Variants in SLIT1 observed in about 807,000 individuals in gnomAD.
SLIT1 encodes slit homolog 1 protein.
A neutral mutation model predicts 186.1 loss-of-function variants in SLIT1; 66 were observed. That is an observed-to-expected ratio of 0.35 (90% CI 0.29 to 0.44). The LOEUF is 0.44. SLIT1 is among the 20% of genes least tolerant of loss of function. SLIT1 has a pLI of 1.00. For synonymous variants in SLIT1, 761 were observed against 833.8 expected, an observed-to-expected ratio of 0.91 and a Z score of 1.50; for missense variants, 1,638 against 2,037.4, an observed-to-expected ratio of 0.80 and a Z score of 3.77.
Position 97,034,506 on chromosome 10 carries a change from A to G in SLIT1, c.2403T>C (p.Asn801=), listed in dbSNP as rs79922298. The G allele has an allele frequency of 3.0e-3, 4,770 of 1,613,348 alleles. 4 individuals are homozygous for G. The highest frequency in any genetic ancestry group is 3.6e-3 in the Non-Finnish European group (4,282 of 1,179,500). ...LSNNKISSLS[N]SSFTNMSQLT... ...GCTGGCTCATGTTGGTGAAGGAGGA[A>G]TTGCTTAAGGAACTGATCTTGTTGT... The change falls in exon 23 of 37, where the codon AAT becomes AAC. Residue 801 remains asparagine, a synonymous_variant. Coordinates refer to ENST00000266058, the MANE Select transcript of SLIT1 (RefSeq NM_003061.3).
intron 4 of SLIT1, among the ~76,000 whole-genome samples, chr10:97,085,713 A>G (rs1296316385): frequency 6.6e-6 from 1 of 152,220 alleles, no homozygotes; most frequent in Non-Finnish European, 1.5e-5. Context: ...TAATCAATCA[A>G]TTATTTATGA....
intron 26 of SLIT1, among the ~76,000 whole-genome samples, chr10:97,020,933 C>T (rs183363553): frequency 1.1e-4 from 16 of 152,362 alleles, no homozygotes; most frequent in Non-Finnish European, 2.2e-4. Context: ...AACACAATTC[C>T]TACCAAAGGG....
In SLIT1 at chr10:97,002,168, C is replaced by T. The variant is rs1022391987; in HGVS notation, c.4356G>A (p.Leu1452=). The T allele has an allele frequency of 2.7e-6, 4 of 1,477,090 alleles. No individual in the cohort carries two copies. Among genetic ancestry groups the T allele is most frequent in the Non-Finnish European group, 3.6e-6 (4 of 1,107,262 alleles). 91.5% of individuals were successfully genotyped at this position (1,477,090 alleles called of 1,614,324 possible). The stretch of plus-strand genomic sequence containing the variant: ...AGGGGGGCCCCTGACCTTGCTCACA[C>T]AGCTCGCCCGAAAAGCCGGGGTCAC... The part of the protein sequence containing the change: ...CVCDPGFSGE[L]CEQESECRGD... Residue 1452 remains leucine, a synonymous_variant, in exon 36 of 37, where the codon CTG becomes CTA. Transcript: ENST00000266058.
intron 4 of SLIT1, among the ~76,000 whole-genome samples, chr10:97,150,851 A>G (rs942217438): frequency 2.0e-5 from 3 of 152,116 alleles, no homozygotes; most frequent in African/African-American, 7.2e-5. Flanking sequence ...GTAAGAAGCA[A>G]TCAGGTTTCC....
At chr10:97,095,818 C>G (rs1849282611) in intron 4 of SLIT1, among the ~76,000 whole-genome samples, 1 of 152,166 alleles carries the variant, frequency 6.6e-6, no homozygotes. Flanking sequence ...AATTCCACGT[C>G]CCCATCTGAA....
intron 18 of SLIT1, among the ~76,000 whole-genome samples, chr10:97,044,052 T>C (rs977439534): frequency 1.3e-5 from 2 of 152,204 alleles, no homozygotes; most frequent in African/African-American, 4.8e-5. Flanking sequence ...TGTGACAGTT[T>C]TCTAGAATAC....
At chr10:97,171,070 A>G (rs1192546691) in intron 1 of SLIT1, among the ~76,000 whole-genome samples, 1 of 152,160 alleles carries the variant, frequency 6.6e-6, no homozygotes, top group Non-Finnish European at 1.5e-5. Context: ...TAAAAAAAGA[A>G]AAAAGAAACC....
At position 97,043,464 on chromosome 10, in the gene SLIT1, C is replaced by T; in HGVS notation, c.1903G>A (p.Gly635Ser). The T allele has an allele frequency of 1.9e-6, 3 of 1,613,954 alleles. No homozygotes were observed. The highest frequency in any genetic ancestry group is 2.5e-6 in the Non-Finnish European group (3 of 1,180,008). ...GAGAGGAGCCGGACGTTGCGCAGGC[C>T]CGTGAAGCTGTCGTTGTGGATGCAG... ...ISCIHNDSFTGLRNVRLLSLY... is the reference protein window; with the variant it reads ...ISCIHNDSFTSLRNVRLLSLY... The change falls in exon 19 of 37, where the codon GGC becomes AGC. Residue 635 changes from glycine to serine, a missense_variant. Physicochemically the swap from Gly to Ser is moderately conservative, Grantham distance 56 (BLOSUM62 0). Transcript: ENST00000266058. This position sits in a 1 kb window ranked among gnomAD's most constrained non-coding sequence, Gnocchi z 7.0.
chr10:97,012,692 T>C (rs979441559), intron 30 of SLIT1, among the ~76,000 whole-genome samples: 19 of 152,234 alleles, frequency 1.2e-4, no homozygotes, highest in African/African-American at 3.4e-4. Flanking sequence ...GTCTACCATT[T>C]GGATGGAGGC....
chr10:97,131,754 G>A (rs1031782115), intron 4 of SLIT1, among the ~76,000 whole-genome samples: 6 of 152,216 alleles, frequency 3.9e-5, no homozygotes, highest in Non-Finnish European at 5.9e-5. Flanking sequence ...CGGTAGTCAT[G>A]ATAATAACAG....
intron 14 of SLIT1, among the ~76,000 whole-genome samples, chr10:97,048,252 G>A (rs761291820): frequency 1.3e-5 from 2 of 152,340 alleles, no homozygotes; most frequent in East Asian, 3.9e-4. Flanking sequence ...GCAATGGCAC[G>A]AGGTGGGGAC....
intron 20 of SLIT1, among the ~76,000 whole-genome samples, chr10:97,040,741 C>T (rs1267088057): frequency 1.3e-5 from 2 of 152,156 alleles, no homozygotes; most frequent in Non-Finnish European, 2.9e-5. Flanking sequence ...CCGCAAAATC[C>T]GAGCCCTCGA....
chr10:97,094,362 C>T (rs973303874), intron 4 of SLIT1, among the ~76,000 whole-genome samples: 2 of 152,194 alleles, frequency 1.3e-5, no homozygotes, highest in Non-Finnish European at 2.9e-5. Context: ...GAATGGTGTC[C>T]TTTAGAGGTG....
At chr10:97,160,157 C>T (rs1253331089) in intron 3 of SLIT1, among the ~76,000 whole-genome samples, 2 of 152,180 alleles carry the variant, frequency 1.3e-5, no homozygotes, top group Non-Finnish European at 2.9e-5. Flanking sequence ...GCCACAATGT[C>T]CTGATCCCTC....
chr10:97,006,707 C>T lies in SLIT1; in HGVS notation c.3355G>A (p.Glu1119Lys). 6.2e-7 allele frequency: 1 copy of T among 1,613,504 alleles called. No homozygotes were observed. The highest frequency in any genetic ancestry group is 8.5e-7 in the Non-Finnish European group (1 of 1,179,538). ...CAEGYSGQLC[E>K]IPPHLPAPKS... ...GGGGCAGGCAGATGGGGAGGGATCT[C>T]ACAGAGCTGTCCACTGAGAGGAAAG... The change falls in exon 32 of 37, where the codon GAG becomes AAG. Residue 1119 changes from glutamate to lysine, a missense_variant. Glu to Lys is a moderately conservative substitution (Grantham distance 56). Coordinates refer to ENST00000266058, the MANE Select transcript of SLIT1 (RefSeq NM_003061.3). The surrounding 1 kb of genome is among the most constrained non-coding windows in gnomAD (Gnocchi z 4.0).
At chr10:97,069,639 A>C (rs1240790728) in intron 4 of SLIT1, among the ~76,000 whole-genome samples, 1 of 152,180 alleles carries the variant, frequency 6.6e-6, no homozygotes, top group African/African-American at 2.4e-5. Flanking sequence ...ACAGAAATGG[A>C]AAATGAGGAA....
chr10:97,040,063 A>C lies in SLIT1; in HGVS notation c.2222T>G (p.Leu741Arg). 1 of 1,611,122 alleles carries C rather than the reference A, an allele frequency of 6.2e-7. No individual in the cohort carries two copies. Among genetic ancestry groups the C allele is most frequent in the Non-Finnish European group, 8.5e-7 (1 of 1,178,664 alleles). ...RPQCPQECAC[L>R]DTVVRCSNKH... is the part of the protein sequence containing the mutation. ...GTTGCTGCATCGGACCACGGTGTCCAGGCAGGCGCACTCCTGTGGGCACTG... is the reference window on the plus strand; with the variant it reads ...GTTGCTGCATCGGACCACGGTGTCCCGGCAGGCGCACTCCTGTGGGCACTG... Residue 741 changes from leucine (L) to arginine (R), a missense_variant, in exon 21 of 37, where the codon CTG (leucine) becomes CGG (arginine). By Grantham distance (102) the Leu-to-Arg change is moderately radical. This residue lies in a region of SLIT1 where 1,245 missense variants were observed against 1,535.3 expected (regional missense o/e 0.81). Coordinates refer to ENST00000266058, the MANE Select transcript of SLIT1 (RefSeq NM_003061.3).
At chr10:97,045,044 G>A (rs1051018573) in intron 18 of SLIT1, among the ~76,000 whole-genome samples, 1 of 152,188 alleles carries the variant, frequency 6.6e-6, no homozygotes, top group Non-Finnish European at 1.5e-5. Context: ...GAAGTCAGAA[G>A]TCTGCAACCC....
intron 4 of SLIT1, among the ~76,000 whole-genome samples, chr10:97,146,565 C>CCG (rs1554853594): frequency 3.4e-4 from 51 of 151,914 alleles, no homozygotes; most frequent in African/African-American, 1.1e-3. Flanking sequence ...CCCAGCCCCC[C>CCG]CCACTGAACA....
Sources: allele counts gnomAD v4.1 joint callset (sites outside exome capture counted in the v4.1 genomes callset), GRCh38; gene constraint gnomAD v4.1.1; regional missense constraint gnomAD v4.1.1; non-coding constraint Gnocchi (gnomAD v3.1); transcripts MANE v1.5; gene names NCBI Gene and HGNC (gene_info 2026-07-23, HGNC 2026-07-21).